Variants in TRABD2B observed in about 807,000 individuals in gnomAD.
TRABD2B encodes the protein TraB domain containing 2B.
Under a neutral mutation model 40.1 loss-of-function variants are expected in TRABD2B, and 14 were observed. The ratio of observed to expected loss-of-function variants is 0.35; its 90% CI spans 0.23 to 0.55. TRABD2B has a LOEUF of 0.55. TRABD2B is among the 20% of genes least tolerant of loss of function. The pLI is 0.90. For missense variants in TRABD2B, 541 were observed against 648.6 expected (o/e 0.83, Z 1.80); for synonymous variants, 263 against 277.0 (o/e 0.95, Z 0.50).
chr1:47,811,267 C>G (rs867665688), intron 2 of TRABD2B, among the ~76,000 whole-genome samples: 1 of 152,086 alleles, frequency 6.6e-6, no homozygotes, highest in African/African-American at 2.4e-5. Context: ...CCTCACCACC[C>G]CCCCATCGCC....
intron 2 of TRABD2B, among the ~76,000 whole-genome samples, chr1:47,988,068 G>A (rs751309688): frequency 2.6e-5 from 4 of 152,084 alleles, no homozygotes; most frequent in Non-Finnish European, 5.9e-5. Context: ...ACATAGATCT[G>A]ACAAGAGATC....
At chr1:47,881,674 T>G (rs1295448566) in intron 2 of TRABD2B, among the ~76,000 whole-genome samples, 1 of 152,156 alleles carries the variant, frequency 6.6e-6, no homozygotes, top group Non-Finnish European at 1.5e-5. Context: ...TGTGACCAGG[T>G]GCTTGGGTGA....
intron 3 of TRABD2B, among the ~76,000 whole-genome samples, chr1:47,799,552 T>G (rs1644791322): frequency 1.3e-5 from 2 of 152,196 alleles, no homozygotes; most frequent in South Asian, 4.1e-4. Flanking sequence ...CTCACTGCCA[T>G]GTGCTCTGTG....
intron 2 of TRABD2B, among the ~76,000 whole-genome samples, chr1:47,982,083 A>G (rs1645848961): frequency 1.3e-5 from 2 of 152,186 alleles, no homozygotes; most frequent in South Asian, 4.2e-4. Context: ...ATACAGTCAG[A>G]CATTACACAC....
At chr1:47,871,379 T>C (rs1644138066) in intron 2 of TRABD2B, among the ~76,000 whole-genome samples, 1 of 152,180 alleles carries the variant, frequency 6.6e-6, no homozygotes, top group South Asian at 2.1e-4. Flanking sequence ...GTTTGAAATC[T>C]GACAGGAGGC....
intron 6 of TRABD2B, among the ~76,000 whole-genome samples, chr1:47,767,983 G>A (rs1644327813): frequency 6.6e-6 from 1 of 152,222 alleles, no homozygotes; most frequent in South Asian, 2.1e-4. Context: ...GGGCAGGGGA[G>A]GGAACCCGGG....
In TRABD2B at chr1:47,878,480, G is replaced by A. The variant is rs368216282; in HGVS notation, c.667-76861C>T. 2.7e-4 allele frequency among the ~76,000 whole-genome samples: 41 copies of A among 152,292 alleles called. No individual in the cohort carries two copies. In the East Asian group the frequency reaches 2.9e-3, roughly 11 times the overall value. On this transcript the variant is annotated intron_variant, in intron 2 of 6. Coordinates refer to ENST00000606738, the MANE Select transcript of TRABD2B (RefSeq NM_001194986.2). ...GGGCCACCAACACAGGCAACATCAG[G>A]GAAGATTTTTAGTGACACCATAGCG...
chr1:47,991,927 G>A (rs1302694282), intron 2 of TRABD2B, among the ~76,000 whole-genome samples: 1 of 152,180 alleles, frequency 6.6e-6, no homozygotes, highest in Non-Finnish European at 1.5e-5. Context: ...GACCTCATCT[G>A]CCTAGGCTCC....
At chr1:47,849,519 G>C (rs1461633784) in intron 2 of TRABD2B, among the ~76,000 whole-genome samples, 1 of 152,144 alleles carries the variant, frequency 6.6e-6, no homozygotes, top group Non-Finnish European at 1.5e-5. Flanking sequence ...CCTAAGATTT[G>C]CCAAAATAAG....
chr1:47,931,253 A>G (rs1038893118), intron 2 of TRABD2B, among the ~76,000 whole-genome samples: 2 of 152,168 alleles, frequency 1.3e-5, no homozygotes, highest in Non-Finnish European at 2.9e-5. Flanking sequence ...TTCTTGCTTC[A>G]GCTTTGGAGT....
At chr1:47,871,875 C>T (rs1312927759) in intron 2 of TRABD2B, among the ~76,000 whole-genome samples, 3 of 152,224 alleles carry the variant, frequency 2.0e-5, no homozygotes, top group Non-Finnish European at 2.9e-5. Flanking sequence ...GCCAAATGGC[C>T]TCTGCAGTGA....
At chr1:47,925,232 A>C (rs1644954191) in intron 2 of TRABD2B, among the ~76,000 whole-genome samples, 1 of 152,174 alleles carries the variant, frequency 6.6e-6, no homozygotes, top group South Asian at 2.1e-4. Flanking sequence ...ACACAGTTTC[A>C]TGAGGATCTT....
At chr1:47,954,017 A>G (rs559167649) in intron 2 of TRABD2B, among the ~76,000 whole-genome samples, 2 of 152,338 alleles carry the variant, frequency 1.3e-5, no homozygotes, top group South Asian at 2.1e-4. Flanking sequence ...TCAAACTGGC[A>G]TTTCTTGAGG....
At chr1:47,783,829 C>G (rs964661845) in intron 4 of TRABD2B, among the ~76,000 whole-genome samples, 8 of 152,256 alleles carry the variant, frequency 5.3e-5, no homozygotes, top group African/African-American at 1.9e-4. Context: ...TGTTGATCCT[C>G]TGACATGGGA....
At chr1:47,821,897 C>A (rs4927125) in intron 2 of TRABD2B, among the ~76,000 whole-genome samples, 3,589 of 152,196 alleles carry the variant, frequency 0.024, 113 homozygotes, top group Admixed American at 0.094. Context: ...AATTATTCTA[C>A]AGGGGGTGGA....
chr1:47,883,991 C>T (rs1644339628), intron 2 of TRABD2B, among the ~76,000 whole-genome samples: 3 of 152,120 alleles, frequency 2.0e-5, no homozygotes, highest in Admixed American at 1.3e-4. Context: ...TGTGCTTGAC[C>T]CCCAGGGGAT....
intron 2 of TRABD2B, among the ~76,000 whole-genome samples, chr1:47,805,415 C>T (rs572150642): frequency 1.3e-5 from 2 of 152,098 alleles, no homozygotes; most frequent in Non-Finnish European, 2.9e-5. Context: ...TGTGGTGGGG[C>T]CAGGACTGAA....
intron 4 of TRABD2B, among the ~76,000 whole-genome samples, chr1:47,787,129 G>C (rs980165539): frequency 6.6e-6 from 1 of 152,190 alleles, no homozygotes; most frequent in East Asian, 1.9e-4. Context: ...TGGGGAAGGA[G>C]GTTGGTGTGG....
chr1:47,956,664 G>A (rs556881661), intron 2 of TRABD2B, among the ~76,000 whole-genome samples: 5 of 152,330 alleles, frequency 3.3e-5, no homozygotes, highest in East Asian at 1.9e-4. Context: ...GCGGAGGGGC[G>A]CCCGCCATTG....
Sources: allele counts gnomAD v4.1 joint callset (sites outside exome capture counted in the v4.1 genomes callset), GRCh38; gene constraint gnomAD v4.1.1; transcripts MANE v1.5; gene names NCBI Gene and HGNC (gene_info 2026-07-23, HGNC 2026-07-21).